TTC8: variants seen among roughly 807,000 people sequenced by gnomAD.
TTC8 encodes the protein tetratricopeptide repeat domain 8, also known as tetratricopeptide repeat protein 8.
TTC8 carries 47 observed loss-of-function variants against 72.5 expected under a neutral mutation model. The ratio of observed to expected loss-of-function variants is 0.65; its 90% confidence interval spans 0.51 to 0.83. The LOEUF is 0.83. TTC8 is among the 40% of genes least tolerant of loss of function. The probability of loss-of-function intolerance (pLI) is 0.00; values close to 1 mark genes in which losing one functional copy is unlikely to be tolerated. For missense variants in TTC8, 611 were observed against 623.2 expected, an observed-to-expected ratio of 0.98 and a Z score of 0.21; for synonymous variants, 199 against 221.4, an observed-to-expected ratio of 0.90 and a Z score of 0.90.
At position 88,841,056 on chromosome 14, in the gene TTC8, A is replaced by G. The variant is rs748699505; in HGVS notation, c.349A>G (p.Arg117Gly). The change falls in exon 5 of 15, where the codon AGA (arginine) becomes GGA (glycine). Residue 117 changes from arginine (R) to glycine (G), a missense_variant. Physicochemically the swap from Arg to Gly is moderately radical, Grantham distance 125 (BLOSUM62 -2). Transcript: ENST00000380656. ...TCACAGGCCAATCACACAAGCTGGA[A>G]GACCCATTACAGGTTTCCTCAGGCC... Reference protein sequence around the residue: ...QAVRPITQAGRPITGFLRPST... With the variant: ...QAVRPITQAGGPITGFLRPST... 3 of 1,614,142 alleles carry G rather than the reference A, an allele frequency of 1.9e-6. No homozygotes were observed. Among genetic ancestry groups the G allele is most frequent in the Non-Finnish European group, 2.5e-6 (3 of 1,180,002 alleles).
chr14:88,857,110 T>G, intron 8 of TTC8, 80 bp from the exon 9 acceptor site: 5 of 1,193,098 alleles, frequency 4.2e-6, no homozygotes, highest in Non-Finnish European at 6.3e-6. Context: ...CTCTTATAAT[T>G]TGTCTCTATT....
chr14:88,840,924 G>C lies in TTC8; in HGVS notation c.325G>C (p.Val109Leu). Reference protein sequence around the residue: ...TNQTGGPSQAVRPITQAGRPI... With the variant: ...TNQTGGPSQALRPITQAGRPI... ...TCAGACAGGAGGGCCTAGCCAGGCC[G>C]TTAGGTATGTACTTCTGCTTCATAA... The change falls in exon 4 of 15, where the codon GTT becomes CTT. Residue 109 changes from valine (V) to leucine (L), a missense_variant. Val to Leu is a conservative substitution (Grantham distance 32). Transcript: ENST00000380656. 1.2e-6 allele frequency: 2 copies of C among 1,614,122 alleles called. No individual in the cohort carries two copies. The highest frequency in any genetic ancestry group is 1.7e-6 in the Non-Finnish European group (2 of 1,179,992).
At chr14:88,850,418 G>T (rs537461785) in intron 7 of TTC8, among the ~76,000 whole-genome samples, 2 of 152,322 alleles carry the variant, frequency 1.3e-5, no homozygotes, top group Admixed American at 1.3e-4. Flanking sequence ...GCCAGGAATG[G>T]TGGCTCACAC....
At chr14:88,868,234 A>G (rs1428881855) in intron 10 of TTC8, among the ~76,000 whole-genome samples, 1 of 152,214 alleles carries the variant, frequency 6.6e-6, no homozygotes, top group Non-Finnish European at 1.5e-5. Flanking sequence ...TATTTTTCAT[A>G]AAAATGTTAT....
chr14:88,877,389 G>T lies in TTC8; in HGVS notation c.1527G>T (p.Arg509Ser), dbSNP rs896940763. ...VDTQHLIKQL[R>S]QHFAML Reference sequence around the variant, plus strand: ...CACAACATTTAATTAAACAATTAAGGCAGCATTTTGCTATGCTCTGATTGT... The same window carrying T: ...CACAACATTTAATTAAACAATTAAGTCAGCATTTTGCTATGCTCTGATTGT... Residue 509 changes from arginine (R) to serine (S), a missense_variant, in exon 15 of 15, where the codon AGG becomes AGT. Transcript: ENST00000380656. 2.5e-6 allele frequency: 4 copies of T among 1,613,236 alleles called. No individual in the cohort carries two copies. Among genetic ancestry groups the T allele is most frequent in the Non-Finnish European group, 3.4e-6 (4 of 1,179,342 alleles).
At chr14:88,829,754 G>A (rs571355769) in intron 1 of TTC8, among the ~76,000 whole-genome samples, 1 of 152,288 alleles carries the variant, frequency 6.6e-6, no homozygotes, top group South Asian at 2.1e-4. Context: ...TGGTTTGAAG[G>A]AGGAGAAATG....
chr14:88,845,500 G>A, intron 7 of TTC8, among the ~76,000 whole-genome samples: 1 of 152,194 alleles, frequency 6.6e-6, no homozygotes, highest in East Asian at 1.9e-4. Context: ...CATAGATGTG[G>A]TTATGTAGGG....
At chr14:88,860,723 G>T (rs2094881695) in intron 9 of TTC8, among the ~76,000 whole-genome samples, 2 of 152,056 alleles carry the variant, frequency 1.3e-5, no homozygotes, top group South Asian at 4.1e-4. Context: ...ATGAATGAAT[G>T]CTTTATGTAT....
chr14:88,841,139 C>A lies in TTC8; in HGVS notation c.432C>A (p.Thr144=), dbSNP rs748561167. 2 of 1,614,084 alleles carry A rather than the reference C, an allele frequency of 1.2e-6. No individual in the cohort carries two copies. Among genetic ancestry groups the A allele is most frequent in the African/African-American group, 2.7e-5 (2 of 75,014 alleles). ...TMEQAIRTPR[T]AYTARPITSS... Reference sequence around the variant, plus strand: ...AACAGGCTATCAGAACACCCAGAACCGCCTACACAGCCCGCCCTATCACCA... The same window carrying A: ...AACAGGCTATCAGAACACCCAGAACAGCCTACACAGCCCGCCCTATCACCA... Residue 144 remains threonine, a synonymous_variant, in exon 5 of 15, where the codon ACC becomes ACA. Coordinates refer to ENST00000380656, the MANE Select transcript of TTC8 (RefSeq NM_144596.4).
chr14:88,841,691 C>T, intron 6 of TTC8, 177 bp downstream of exon 6: 1 of 647,888 alleles, frequency 1.5e-6, no homozygotes. Context: ...GAAGGTCAGT[C>T]AGAAATAAAG....
intron 13 of TTC8, 62 bp from the exon 14 acceptor site, chr14:88,874,964 A>G: frequency 7.5e-7 from 1 of 1,334,534 alleles, no homozygotes; most frequent in Non-Finnish European, 1.0e-6. Flanking sequence ...AAAAAACACA[A>G]ATATGGTGCT....
chr14:88,840,460 A>G (rs1566836599), intron 3 of TTC8, among the ~76,000 whole-genome samples: 1 of 152,134 alleles, frequency 6.6e-6, no homozygotes, highest in Non-Finnish European at 1.5e-5. Flanking sequence ...AAATATCTAA[A>G]TTCTAGATAT....
intron 2 of TTC8, among the ~76,000 whole-genome samples, chr14:88,834,436 A>C (rs745782971): frequency 9.9e-5 from 15 of 152,232 alleles, no homozygotes; most frequent in Non-Finnish European, 1.5e-4. Flanking sequence ...GCCAGGTGTT[A>C]GCCCTACCAA....
intron 11 of TTC8, among the ~76,000 whole-genome samples, chr14:88,870,803 G>A (rs2094930438): frequency 6.6e-6 from 1 of 152,168 alleles, no homozygotes; most frequent in African/African-American, 2.4e-5. Flanking sequence ...CAGCTGACAA[G>A]GGTTCTTTCC....
At chr14:88,835,008 T>C (rs1316477729) in intron 2 of TTC8, among the ~76,000 whole-genome samples, 1 of 152,306 alleles carries the variant, frequency 6.6e-6, no homozygotes, top group East Asian at 1.9e-4. Flanking sequence ...TTTCCACTTT[T>C]GGAATTTCTT....
chr14:88,860,010 A>G (rs2094878374), intron 9 of TTC8, among the ~76,000 whole-genome samples: 1 of 147,514 alleles, frequency 6.8e-6, no homozygotes, highest in Non-Finnish European at 1.5e-5. Flanking sequence ...GTATATGTGT[A>G]AAGGAAAGAG....
chr14:88,824,645 C>G (rs977391686), upstream of TTC8: 1 of 1,401,572 alleles, frequency 7.1e-7, no homozygotes, highest in Non-Finnish European at 9.9e-7. Flanking sequence ...ACGCCGCCAG[C>G]TCTTCACTCC....
intron 7 of TTC8, among the ~76,000 whole-genome samples, chr14:88,845,747 A>G (rs141964947): frequency 6.6e-4 from 101 of 152,330 alleles, no homozygotes; most frequent in African/African-American, 2.4e-3. Context: ...AGATTAATGC[A>G]TATCAGGGGC....
chr14:88,872,472 C>T lies in TTC8; in HGVS notation c.1347+20C>T, dbSNP rs372409203. 1 of 1,612,822 alleles carries T rather than the reference C, an allele frequency of 6.2e-7. No homozygotes were observed. Among genetic ancestry groups the T allele is most frequent in the South Asian group, 1.1e-5 (1 of 91,042 alleles). ...GAACAGGTCAGTGAACTGGCAGCGG[C>T]ATGCTGGGCAGTCTGCTTTCTTCAG... is the stretch of plus-strand genomic sequence containing the variant. On this transcript the variant is annotated intron_variant, in intron 13 of 14. Transcript: ENST00000380656.
Sources: allele counts gnomAD v4.1 joint callset (sites outside exome capture counted in the v4.1 genomes callset), GRCh38; gene constraint gnomAD v4.1.1; transcripts MANE v1.5; gene names NCBI Gene and HGNC (gene_info 2026-07-23, HGNC 2026-07-21).